The following PCDH15 variants were observed in gnomAD, a reference collection of about 807,000 sequenced individuals.
PCDH15 encodes protocadherin related 15.
PCDH15 carries 129 observed loss-of-function variants against 178.5 expected under a neutral mutation model. The ratio of observed to expected loss-of-function variants is 0.72; its 90% CI spans 0.63 to 0.84. PCDH15 has a LOEUF of 0.84. PCDH15 is among the 40% of genes least tolerant of loss of function. The pLI is 0.00. For missense variants in PCDH15, 2,230 were observed against 2,099.9 expected (o/e 1.06, Z -1.21); for synonymous variants, 800 against 732.0 (o/e 1.09, Z -1.50).
intron 3 of PCDH15, among the ~76,000 whole-genome samples, chr10:54,490,343 G>A (rs916342170): frequency 9.9e-5 from 15 of 151,850 alleles, no homozygotes; most frequent in African/African-American, 3.4e-4. Flanking sequence ...CCAACTACTC[G>A]GGAGGCTGAG....
intron 2 of PCDH15, among the ~76,000 whole-genome samples, chr10:55,413,692 A>G (rs2132037491): frequency 6.6e-6 from 1 of 151,876 alleles, no homozygotes; most frequent in Non-Finnish European, 1.5e-5. Flanking sequence ...AATGATATAC[A>G]AAGCATTTTT....
intron 13 of PCDH15, among the ~76,000 whole-genome samples, chr10:54,167,934 G>A (rs1176806812): frequency 7.0e-6 from 1 of 142,312 alleles, no homozygotes; most frequent in African/African-American, 2.7e-5. Flanking sequence ...CCACTTTTCT[G>A]GAAGGTAAGA....
intron 5 of PCDH15, among the ~76,000 whole-genome samples, chr10:54,368,084 C>A (rs917607288): frequency 2.0e-5 from 3 of 151,726 alleles, no homozygotes; most frequent in Non-Finnish European, 2.9e-5. Flanking sequence ...ACCAGTAATT[C>A]GTCTTGTTAA....
At chr10:54,903,869 C>T (rs564971572) in intron 2 of PCDH15, among the ~76,000 whole-genome samples, 80 of 152,082 alleles carry the variant, frequency 5.3e-4, no homozygotes, top group Middle Eastern at 6.8e-3. Flanking sequence ...ATATGAAGAG[C>T]GTAGTTCCCT....
intron 2 of PCDH15, among the ~76,000 whole-genome samples, chr10:55,476,280 G>C (rs777495900): frequency 2.0e-5 from 3 of 151,928 alleles, no homozygotes; most frequent in African/African-American, 4.8e-5. Context: ...TTGCCTTTGA[G>C]AATAGAAAAA....
At chr10:55,111,630 G>C (rs1205196049) in intron 2 of PCDH15, among the ~76,000 whole-genome samples, 2 of 152,120 alleles carry the variant, frequency 1.3e-5, no homozygotes, top group Admixed American at 1.3e-4. Context: ...GATCACCTGA[G>C]GTGGGGAGTT....
At chr10:54,559,712 T>A (rs1339314096) in intron 2 of PCDH15, among the ~76,000 whole-genome samples, 1 of 151,926 alleles carries the variant, frequency 6.6e-6, no homozygotes, top group East Asian at 1.9e-4. Flanking sequence ...TGTGCATACC[T>A]TAATGATGAC....
rs117410524 is a variant in PCDH15, at chr10:54,976,574, C to T, written c.-79-79074G>A. On this transcript the variant is annotated intron_variant, in intron 2 of 5. Coordinates refer to the PCDH15 transcript ENST00000458638. ...TGGTGCCACAGAACCAGTTGAGTCA[C>T]GAGTTGTGAGTTGTGGTAATGTCAG... is the stretch of plus-strand genomic sequence containing the variant. Among the ~76,000 whole-genome samples, 26 of 152,116 alleles carry T rather than the reference C, an allele frequency of 1.7e-4. No homozygotes were observed. The East Asian group carries it at 3.7e-3, about 22-fold the overall frequency.
intron 2 of PCDH15, among the ~76,000 whole-genome samples, chr10:54,551,063 G>C (rs2086524106): frequency 1.4e-5 from 2 of 143,216 alleles, no homozygotes; most frequent in Non-Finnish European, 3.0e-5. Context: ...GACGAGGCAG[G>C]AGAATCTCCT....
chr10:54,672,121 A>G (rs925053510), intron 1 of PCDH15, among the ~76,000 whole-genome samples: 1 of 151,796 alleles, frequency 6.6e-6, no homozygotes, highest in African/African-American at 2.4e-5. Context: ...ATTGTCTCTC[A>G]TTATTCCCAG....
At chr10:54,227,557 A>G (rs1235841971) in intron 9 of PCDH15, among the ~76,000 whole-genome samples, 1 of 152,174 alleles carries the variant, frequency 6.6e-6, no homozygotes, top group Non-Finnish European at 1.5e-5. Flanking sequence ...AATGTCCTGG[A>G]GACGTTTTTC....
At chr10:54,439,386 A>T (rs2136129044) in intron 3 of PCDH15, among the ~76,000 whole-genome samples, 1 of 152,142 alleles carries the variant, frequency 6.6e-6, no homozygotes, top group Admixed American at 6.6e-5. Context: ...GAGAACAAAT[A>T]GTCTTATTAT....
intron 2 of PCDH15, among the ~76,000 whole-genome samples, chr10:54,957,472 G>A: frequency 6.6e-6 from 1 of 151,586 alleles, no homozygotes; most frequent in South Asian, 2.1e-4. Flanking sequence ...CTTTCAAACA[G>A]AACAGGTTTA....
intron 2 of PCDH15, among the ~76,000 whole-genome samples, chr10:55,385,057 C>T (rs1409777016): frequency 6.6e-6 from 1 of 152,004 alleles, no homozygotes; most frequent in African/African-American, 2.4e-5. Context: ...GTAAATATTG[C>T]CTTTAATGTA....
chr10:53,941,918 T>C (rs1047595184), intron 23 of PCDH15, among the ~76,000 whole-genome samples: 1 of 152,208 alleles, frequency 6.6e-6, no homozygotes, highest in African/African-American at 2.4e-5. Context: ...AGTTTTGAAC[T>C]TAATAGAAGA....
chr10:55,039,058 A>C (rs1300396030), intron 2 of PCDH15, among the ~76,000 whole-genome samples: 1 of 152,078 alleles, frequency 6.6e-6, no homozygotes, highest in East Asian at 1.9e-4. Context: ...TAATTATCCC[A>C]TATCTCAACA....
At chr10:55,578,360 G>A (rs535014595) in intron 2 of PCDH15, among the ~76,000 whole-genome samples, 9 of 152,174 alleles carry the variant, frequency 5.9e-5, no homozygotes, top group African/African-American at 2.2e-4. Flanking sequence ...TGGGATTACA[G>A]GCGCCTGCCA....
At chr10:55,012,569 T>C (rs1466101679) in intron 2 of PCDH15, among the ~76,000 whole-genome samples, 1 of 152,134 alleles carries the variant, frequency 6.6e-6, no homozygotes, top group Non-Finnish European at 1.5e-5. Context: ...GGTCATCAAA[T>C]GTCTTCTGTA....
chr10:55,223,410 G>A (rs1016774603), intron 1 of PCDH15, among the ~76,000 whole-genome samples: 1 of 152,020 alleles, frequency 6.6e-6, no homozygotes, highest in African/African-American at 2.4e-5. Context: ...ATTTTGGTTT[G>A]TTTTGTACTC....
Sources: allele counts gnomAD v4.1 joint callset (sites outside exome capture counted in the v4.1 genomes callset), GRCh38; gene constraint gnomAD v4.1.1; transcripts MANE v1.5; gene names NCBI Gene and HGNC (gene_info 2026-07-23, HGNC 2026-07-21).